The following OR2J3 variants were observed in gnomAD, a reference collection of about 807,000 sequenced individuals.
OR2J3 encodes the protein olfactory receptor 2J3.
Under a neutral mutation model 18.5 loss-of-function variants are expected in OR2J3, and 13 were observed. That is an observed-to-expected ratio of 0.70 (90% CI 0.46 to 1.12). The LOEUF (loss-of-function observed/expected upper bound fraction) is 1.12. Ranked by LOEUF, OR2J3 falls within the 50% of genes most tolerant of loss-of-function variation. OR2J3 has a pLI of 0.00. For missense variants in OR2J3, 321 were observed against 371.6 expected, an observed-to-expected ratio of 0.86 and a Z score of 1.12; for synonymous variants, 142 against 140.6, an observed-to-expected ratio of 1.01 and a Z score of -0.07.
intron 3 of OR2J3, among the ~76,000 whole-genome samples, chr6:29,111,009 CA>C (rs1344976750): frequency 2.6e-5 from 4 of 152,164 alleles, no homozygotes; most frequent in African/African-American, 9.6e-5. Context: ...TGTTACTTTA[CA>C]TAAGTCCAGC....
chr6:29,111,201 C>A (rs368635959), intron 3 of OR2J3, among the ~76,000 whole-genome samples: 1 of 152,104 alleles, frequency 6.6e-6, no homozygotes, highest in Non-Finnish European at 1.5e-5. Flanking sequence ...CAGTTCCTCA[C>A]CCTTTGTTTT....
chr6:29,113,142 A>G lies in OR2J3; in HGVS notation c.*316A>G. ...AAATAAGGCATGAAATTTGTTGTAA[A>G]TCTTGATAAAAGCGAAGCTGTAAAT... On this transcript the variant is annotated 3_prime_UTR_variant, in exon 4 of 4. Transcript: ENST00000641151. The G allele has an allele frequency of 3.5e-6, 1 of 286,638 alleles. No homozygotes were observed. The highest frequency in any genetic ancestry group is 1.3e-4 in the South Asian group (1 of 7,872). 17.8% of individuals were successfully genotyped at this position (286,638 alleles called of 1,614,324 possible).
In OR2J3 at chr6:29,112,399, C is replaced by G; in HGVS notation, c.509C>G (p.Pro170Arg). 1 of 1,614,100 alleles carries G rather than the reference C, an allele frequency of 6.2e-7. No homozygotes were observed. The highest frequency in any genetic ancestry group is 1.1e-5 in the South Asian group (1 of 91,076). ...CATTCCTCCTTCACCTTCTGGGTAC[C>G]TCTGTGTGGACACCGCCAAGTAGAT... ...ALHSSFTFWV[P>R]LCGHRQVDHF... The change falls in exon 4 of 4, where the codon CCT (proline) becomes CGT (arginine). Residue 170 changes from proline to arginine, a missense_variant. Physicochemically the swap from Pro to Arg is moderately radical, Grantham distance 103. Transcript: ENST00000641151.
At chr6:29,111,691 C>A in intron 3 of OR2J3, 190 bp from the exon 4 acceptor site, 6 of 532,758 alleles carry the variant, frequency 1.1e-5, no homozygotes, top group Non-Finnish European at 1.9e-5. Flanking sequence ...TATTCTTTTA[C>A]TTTTTATATC....
Position 29,112,828 on chromosome 6 carries a change from C to T in OR2J3, c.*2C>T, listed in dbSNP as rs1180054813. The T allele has an allele frequency of 1.9e-6, 3 of 1,608,028 alleles. No individual in the cohort carries two copies. In the African/African-American group the frequency reaches 4.0e-5, roughly 22 times the overall value. ...AAGAGACTAATGGGGTGGGAATGAG[C>T]CTGTGTATGTGTCATATTAACAATA... On this transcript the variant is annotated 3_prime_UTR_variant, in exon 4 of 4. Coordinates refer to ENST00000641151, the MANE Select transcript of OR2J3 (RefSeq NM_001005216.4).
At chr6:29,110,576 T>C (rs987589761) in intron 3 of OR2J3, among the ~76,000 whole-genome samples, 4 of 152,154 alleles carry the variant, frequency 2.6e-5, no homozygotes, top group African/African-American at 7.2e-5. Context: ...TTAGCTAGGT[T>C]AGGAATTTCC....
chr6:29,109,512 G>A (rs1003217148), intron 3 of OR2J3: 26 of 152,206 alleles, frequency 1.7e-4, no homozygotes, highest in African/African-American at 6.0e-4. Context: ...GCAATCACAG[G>A]TGGCCCCACA....
intron 3 of OR2J3, chr6:29,109,445 A>G (rs1762043480): frequency 6.6e-6 from 1 of 152,182 alleles, no homozygotes; most frequent in Admixed American, 6.5e-5. Context: ...TACTCCTGAC[A>G]TTTCTTTCAG....
rs1036299177 is a variant in OR2J3 at position 29,114,569 on chromosome 6, C to G, written c.*1743C>G. On this transcript the variant is annotated 3_prime_UTR_variant, in exon 4 of 4. Transcript: ENST00000641151. ...CTCAAGCTAATTAACAGATCATTAACTCACATACTTACCTGTTTTGTGGTG... is the reference window on the plus strand; with the variant it reads ...CTCAAGCTAATTAACAGATCATTAAGTCACATACTTACCTGTTTTGTGGTG... 13 of 151,816 alleles carry G rather than the reference C, an allele frequency of 8.6e-5. No homozygotes were observed. The highest frequency in any genetic ancestry group is 5.3e-4 in the Admixed American group (8 of 15,216). The allele number at this position is 151,816 out of a possible 1,614,324, so 9.4% of individuals were successfully genotyped here.
Position 29,112,830 on chromosome 6 carries a change from T to C in OR2J3, c.*4T>C. ...GAGACTAATGGGGTGGGAATGAGCCTGTGTATGTGTCATATTAACAATATA... is the reference window on the plus strand; with the variant it reads ...GAGACTAATGGGGTGGGAATGAGCCCGTGTATGTGTCATATTAACAATATA... On this transcript the variant is annotated 3_prime_UTR_variant, in exon 4 of 4. Coordinates refer to ENST00000641151, the MANE Select transcript of OR2J3 (RefSeq NM_001005216.4). 6.2e-7 allele frequency: 1 copy of C among 1,604,074 alleles called. No homozygotes were observed. Among genetic ancestry groups the C allele is most frequent in the Non-Finnish European group, 8.5e-7 (1 of 1,175,400 alleles).
chr6:29,112,959 C>A lies in OR2J3; in HGVS notation c.*133C>A. 9.0e-7 allele frequency: 1 copy of A among 1,110,836 alleles called. No homozygotes were observed. The highest frequency in any genetic ancestry group is 1.7e-5 in the South Asian group (1 of 59,380). 68.8% of individuals were successfully genotyped at this position (1,110,836 alleles called of 1,614,324 possible). On this transcript the variant is annotated 3_prime_UTR_variant, in exon 4 of 4. Transcript: ENST00000641151. ...TGCTGAGCATGTACTCTAACAAGGT[C>A]GTGGAGTTCCTGGTAACAGGTAGGA...
Position 29,112,070 on chromosome 6 carries a change from A to G in OR2J3, c.180A>G (p.Thr60=). 1 of 1,614,090 alleles carries G rather than the reference A, an allele frequency of 6.2e-7. No homozygotes were observed. Among genetic ancestry groups the G allele is most frequent in the Non-Finnish European group, 8.5e-7 (1 of 1,180,032 alleles). The change falls in exon 4 of 4, where the codon ACA becomes ACG. Residue 60 remains threonine, a synonymous_variant. Coordinates refer to ENST00000641151, the MANE Select transcript of OR2J3 (RefSeq NM_001005216.4). The part of the protein sequence containing the change: ...ILSYLDSHLH[T]PMYFFLSNLS... The stretch of plus-strand genomic sequence containing the variant: ...CATACCTGGACTCCCATCTGCACAC[A>G]CCAATGTACTTCTTCCTTTCAAACC...
At position 29,112,901 on chromosome 6, in the gene OR2J3, A is replaced by G. The variant is rs1762204481; in HGVS notation, c.*75A>G. On this transcript the variant is annotated 3_prime_UTR_variant, in exon 4 of 4. Coordinates refer to ENST00000641151, the MANE Select transcript of OR2J3 (RefSeq NM_001005216.4). The stretch of plus-strand genomic sequence containing the variant: ...GATTCATCCTTCTATTTATTTATCA[A>G]CCATTCTTTTATTCACTCACTCTGT... 12 of 1,485,140 alleles carry G rather than the reference A, an allele frequency of 8.1e-6. No individual in the cohort carries two copies. Among genetic ancestry groups the G allele is most frequent in the Non-Finnish European group, 1.1e-5 (12 of 1,119,454 alleles). The allele number at this position is 1,485,140 out of a possible 1,614,324, so 92.0% of individuals were successfully genotyped here.
rs1761995399 is a variant in OR2J3, at chr6:29,108,147, T to G, written c.-329T>G. ...TAGATGAGGGAAGTGTAGGCATTTA[T>G]GTTGGTGATTTCAAGGTGATCAAAA... On this transcript the variant is annotated 5_prime_UTR_variant, in exon 1 of 4. An upstream start codon of the reference 5' UTR is lost. Transcript: ENST00000641151. 1 of 152,156 alleles carries G rather than the reference T, an allele frequency of 6.6e-6. No individual in the cohort carries two copies. The highest frequency in any genetic ancestry group is 1.5e-5 in the Non-Finnish European group (1 of 68,036). 9.4% of individuals were successfully genotyped at this position (152,156 alleles called of 1,614,324 possible). A position where few individuals can be genotyped will look rare whatever the true frequency, so the allele number is the denominator to read the frequency against.
chr6:29,113,085 T>A lies in OR2J3; in HGVS notation c.*259T>A. 6.8e-6 allele frequency: 3 copies of A among 442,736 alleles called. No homozygotes were observed. In the South Asian group the frequency reaches 1.8e-4, roughly 26 times the overall value. 27.4% of individuals were successfully genotyped at this position (442,736 alleles called of 1,614,324 possible). On this transcript the variant is annotated 3_prime_UTR_variant, in exon 4 of 4. Coordinates refer to ENST00000641151, the MANE Select transcript of OR2J3 (RefSeq NM_001005216.4). ...GTGATGTTTTTCCATGGTACAAACC[T>A]AATGTATCCAAGACAGACATTTCTC...
chr6:29,113,817 A>G lies in OR2J3; in HGVS notation c.*991A>G, dbSNP rs1301296125. On this transcript the variant is annotated 3_prime_UTR_variant, in exon 4 of 4. Coordinates refer to ENST00000641151, the MANE Select transcript of OR2J3 (RefSeq NM_001005216.4). ...TATGTCAATATATGTGTTTCAAATAAAGAAATCTATTTTATAGAAGTAATC... is the reference window on the plus strand; with the variant it reads ...TATGTCAATATATGTGTTTCAAATAGAGAAATCTATTTTATAGAAGTAATC... 1 of 152,166 alleles carries G rather than the reference A, an allele frequency of 6.6e-6. No homozygotes were observed. The highest frequency in any genetic ancestry group is 1.5e-5 in the Non-Finnish European group (1 of 68,024). The allele number at this position is 152,166 out of a possible 1,614,324, so 9.4% of individuals were successfully genotyped here. A position where few individuals can be genotyped will look rare whatever the true frequency, so the allele number is the denominator to read the frequency against.
At chr6:29,110,252 A>C (rs998351891) in intron 3 of OR2J3, among the ~76,000 whole-genome samples, 2 of 152,208 alleles carry the variant, frequency 1.3e-5, no homozygotes, top group Admixed American at 1.3e-4. Flanking sequence ...ATTGATGAGC[A>C]AGTGTCTGTG....
At position 29,112,789 on chromosome 6, in the gene OR2J3, T is replaced by C. The variant is rs1190314255; in HGVS notation, c.899T>C (p.Val300Ala). Residue 300 changes from valine (V) to alanine (A), a missense_variant, in exon 4 of 4, where the codon GTA (valine) becomes GCA (alanine). Val to Ala is a moderately conservative substitution (Grantham distance 64). Transcript: ENST00000641151. The stretch of plus-strand genomic sequence containing the variant: ...ATCTACACCCTCAGAAACAAAGTTG[T>C]AAGAGGGGCAGTGAAGAGACTAATG... Reference protein sequence around the residue: ...PLIYTLRNKVVRGAVKRLMGW... With the variant: ...PLIYTLRNKVARGAVKRLMGW... The C allele has an allele frequency of 3.7e-6, 6 of 1,613,674 alleles. No homozygotes were observed. Among genetic ancestry groups the C allele is most frequent in the Non-Finnish European group, 5.1e-6 (6 of 1,179,802 alleles).
chr6:29,108,512 A>G (rs2150949683), intron 1 of OR2J3, 25 bp from the exon 2 acceptor site: 1 of 151,890 alleles, frequency 6.6e-6, no homozygotes, highest in South Asian at 2.1e-4. Flanking sequence ...TTTTTTGATA[A>G]TTTCTTTCTT....
Sources: allele counts gnomAD v4.1 joint callset (sites outside exome capture counted in the v4.1 genomes callset), GRCh38; gene constraint gnomAD v4.1.1; transcripts MANE v1.5; gene names NCBI Gene and HGNC (gene_info 2026-07-23, HGNC 2026-07-21).